The following ITGA9 variants were observed in gnomAD, a reference collection of about 807,000 sequenced individuals.
ITGA9 encodes the protein integrin alpha-9.
In ITGA9, 56 loss-of-function variants were observed where a neutral mutation model predicts 127.8. The ratio of observed to expected loss-of-function variants is 0.44; its 90% CI spans 0.35 to 0.55. The LOEUF (loss-of-function observed/expected upper bound fraction) is 0.55, where lower values mean the gene tolerates loss of function less well. Among genes scored for constraint, ITGA9 ranks in the 20% least tolerant of loss-of-function variants. The pLI is 0.00. For synonymous variants in ITGA9, 508 were observed against 514.5 expected, an observed-to-expected ratio of 0.99 and a Z score of 0.17; for missense variants, 1,196 against 1,347.1, an observed-to-expected ratio of 0.89 and a Z score of 1.76.
In ITGA9 at chr3:37,464,524, A is replaced by G. The variant is rs555910491; in HGVS notation, c.186-6483A>G. ...CCTTACAAGAAACCTTCTTAGGTAC[A>G]CTTTTATTCCTCCTGTTTTACAGAA... is the stretch of plus-strand genomic sequence containing the variant. On this transcript the variant is annotated intron_variant, in intron 1 of 27. Coordinates refer to ENST00000264741, the MANE Select transcript of ITGA9 (RefSeq NM_002207.3). Among the ~76,000 whole-genome samples the G allele has an allele frequency of 4.6e-5, 7 of 152,268 alleles. No individual in the cohort carries two copies. In the East Asian group the frequency reaches 7.7e-4, roughly 17 times the overall value.
chr3:37,648,277 T>C (rs1025498913), intron 16 of ITGA9, among the ~76,000 whole-genome samples: 4 of 152,106 alleles, frequency 2.6e-5, no homozygotes, highest in African/African-American at 9.7e-5. Flanking sequence ...TGATGATTAG[T>C]GATGTGGATA....
In ITGA9 at chr3:37,481,538, C is replaced by T. The variant is rs150877802; in HGVS notation, c.475C>T (p.His159Tyr). Residue 159 changes from histidine to tyrosine, a missense_variant, in exon 4 of 28, where the codon CAT becomes TAT. Physicochemically the swap from His to Tyr is moderately conservative, Grantham distance 83. Coordinates refer to ENST00000264741, the MANE Select transcript of ITGA9 (RefSeq NM_002207.3). ...CTATGAAGCCGACCACATCCTACCCCATGGCTTCTGCTACATCATCCCCTC... is the reference window on the plus strand; with the variant it reads ...CTATGAAGCCGACCACATCCTACCCTATGGCTTCTGCTACATCATCCCCTC... Reference protein sequence around the residue: ...IYYEADHILPHGFCYIIPSNL... With the variant: ...IYYEADHILPYGFCYIIPSNL... The T allele has an allele frequency of 2.1e-5, 34 of 1,614,172 alleles. No individual in the cohort carries two copies. Among genetic ancestry groups the T allele is most frequent in the South Asian group, 7.7e-5 (7 of 91,086 alleles).
intron 1 of ITGA9, among the ~76,000 whole-genome samples, chr3:37,453,828 A>G (rs1199931333): frequency 6.6e-6 from 1 of 152,200 alleles, no homozygotes; most frequent in Non-Finnish European, 1.5e-5. Flanking sequence ...ACTAAGAATC[A>G]TGCTGTTCAG....
At chr3:37,545,620 C>G (rs2125592392) in intron 15 of ITGA9, among the ~76,000 whole-genome samples, 1 of 152,378 alleles carries the variant, frequency 6.6e-6, no homozygotes. Context: ...TGAGGCAGCT[C>G]CAGCCACTTC....
chr3:37,641,091 G>A (rs978876353), intron 16 of ITGA9, among the ~76,000 whole-genome samples: 5 of 152,082 alleles, frequency 3.3e-5, no homozygotes, highest in Non-Finnish European at 5.9e-5. Flanking sequence ...TGGGCTCCCC[G>A]GTGGGACGCA....
At chr3:37,795,872 C>T (rs1697166822) in intron 26 of ITGA9, among the ~76,000 whole-genome samples, 1 of 152,194 alleles carries the variant, frequency 6.6e-6, no homozygotes, top group South Asian at 2.1e-4. Flanking sequence ...TTTCCTTGTA[C>T]TCCCACATTC....
At chr3:37,582,905 G>T (rs1295252823) in intron 15 of ITGA9, among the ~76,000 whole-genome samples, 1 of 152,184 alleles carries the variant, frequency 6.6e-6, no homozygotes, top group Non-Finnish European at 1.5e-5. Context: ...CTTAAAACTT[G>T]TCAACCAGTA....
chr3:37,793,970 A>G (rs1335677661), intron 26 of ITGA9, among the ~76,000 whole-genome samples: 1 of 152,210 alleles, frequency 6.6e-6, no homozygotes, highest in South Asian at 2.1e-4. Context: ...GGGGACCCAA[A>G]AGGATCTGGG....
At chr3:37,567,399 G>C (rs942424501) in intron 15 of ITGA9, among the ~76,000 whole-genome samples, 1 of 152,064 alleles carries the variant, frequency 6.6e-6, no homozygotes, top group Non-Finnish European at 1.5e-5. Flanking sequence ...GATTTGGGTG[G>C]GGACACAGCC....
chr3:37,491,599 G>A (rs1698674576), intron 4 of ITGA9, among the ~76,000 whole-genome samples: 1 of 152,200 alleles, frequency 6.6e-6, no homozygotes, highest in Admixed American at 6.5e-5. Flanking sequence ...ACTTGTCAAT[G>A]GAGGGAGGGT....
chr3:37,464,077 A>G (rs1009398372), intron 1 of ITGA9, among the ~76,000 whole-genome samples: 11 of 151,736 alleles, frequency 7.2e-5, no homozygotes, highest in Admixed American at 3.3e-4. Context: ...TTGAGGTTGG[A>G]TAGAGAGTTG....
intron 13 of ITGA9, 72 bp from the exon 14 acceptor site, chr3:37,533,242 G>T: frequency 7.5e-7 from 1 of 1,333,222 alleles, no homozygotes. Context: ...TTATCCTGTT[G>T]GTCTAGTTCT....
At chr3:37,669,620 T>C (rs1201957314) in intron 17 of ITGA9, among the ~76,000 whole-genome samples, 2 of 152,234 alleles carry the variant, frequency 1.3e-5, no homozygotes, top group East Asian at 3.8e-4. Flanking sequence ...TCCAATGTAT[T>C]TATCAGACAT....
intron 16 of ITGA9, among the ~76,000 whole-genome samples, chr3:37,631,978 G>A (rs1431418760): frequency 6.6e-6 from 1 of 152,178 alleles, no homozygotes; most frequent in Non-Finnish European, 1.5e-5. Context: ...AGTCACCAAC[G>A]TAAGAGCTAG....
At chr3:37,729,954 G>A (rs1349650158) in intron 18 of ITGA9, among the ~76,000 whole-genome samples, 2 of 151,994 alleles carry the variant, frequency 1.3e-5, no homozygotes, top group African/African-American at 2.4e-5. Context: ...CGCCTGCCTC[G>A]GCCTCCCAGA....
At chr3:37,770,657 A>G (rs1417242468) in intron 23 of ITGA9, among the ~76,000 whole-genome samples, 6 of 152,172 alleles carry the variant, frequency 3.9e-5, no homozygotes, top group Admixed American at 3.3e-4. Flanking sequence ...TATCACACCT[A>G]TGGAATCAGC....
At chr3:37,664,306 T>C (rs537170739) in intron 17 of ITGA9, among the ~76,000 whole-genome samples, 1 of 152,102 alleles carries the variant, frequency 6.6e-6, no homozygotes, top group Non-Finnish European at 1.5e-5. Context: ...CTCCCCTCCA[T>C]TCTCCCCATG....
At chr3:37,712,079 T>C (rs922497937) in intron 18 of ITGA9, among the ~76,000 whole-genome samples, 6 of 151,978 alleles carry the variant, frequency 3.9e-5, no homozygotes, top group African/African-American at 1.2e-4. Context: ...TTTTCACAAA[T>C]ATTCAGCTTA....
chr3:37,512,860 A>G (rs746508718), intron 8 of ITGA9, among the ~76,000 whole-genome samples: 11 of 152,126 alleles, frequency 7.2e-5, no homozygotes, highest in Non-Finnish European at 1.5e-4. Flanking sequence ...CACTTGCCAC[A>G]TTAATTTTTT....
Sources: allele counts gnomAD v4.1 joint callset (sites outside exome capture counted in the v4.1 genomes callset), GRCh38; gene constraint gnomAD v4.1.1; transcripts MANE v1.5; gene names NCBI Gene and HGNC (gene_info 2026-07-23, HGNC 2026-07-21).